The following PARN variants were observed in gnomAD, a reference collection of about 807,000 sequenced individuals.
The protein encoded by PARN is poly(A)-specific ribonuclease.
Under a neutral mutation model 102.8 loss-of-function variants are expected in PARN, and 71 were observed. That is an observed-to-expected ratio of 0.69 (90% CI 0.57 to 0.84). The LOEUF is 0.84. Ranked by LOEUF, PARN falls within the 40% of genes least tolerant of loss-of-function variation. The pLI, the probability that PARN is intolerant of heterozygous loss-of-function variation, is 0.00. For synonymous variants in PARN, 261 were observed against 252.9 expected, an observed-to-expected ratio of 1.03 and a Z score of -0.30; for missense variants, 782 against 760.9, an observed-to-expected ratio of 1.03 and a Z score of -0.33.
chr16:14,505,617 T>G (rs1964854685), intron 21 of PARN, among the ~76,000 whole-genome samples: 1 of 152,200 alleles, frequency 6.6e-6, no homozygotes, highest in South Asian at 2.1e-4. Flanking sequence ...AAGATACCTG[T>G]GGTTCATACA....
Position 14,602,491 on chromosome 16 carries a change from G to A in PARN, c.783+1655C>T, listed in dbSNP as rs141337032. ...ACCCTTGCATGTCCTAAAAACACTC[G>A]AAACCTCATCAGGTCAAAACCAGAA... On this transcript the variant is annotated intron_variant, in intron 11 of 23. Transcript: ENST00000437198. 8.1e-4 allele frequency among the ~76,000 whole-genome samples: 124 copies of A among 152,176 alleles called. No homozygotes were observed. In the East Asian group the frequency reaches 0.016, roughly 19 times the overall value.
At chr16:14,437,018 CATCT>C (rs1252838508) in intron 23 of PARN, among the ~76,000 whole-genome samples, 4 of 152,210 alleles carry the variant, frequency 2.6e-5, no homozygotes, top group African/African-American at 7.2e-5. Context: ...CTGCCTCCAG[CATCT>C]ATCTATTTAT....
intron 15 of PARN, 115 bp from the exon 16 acceptor site, chr16:14,584,537 C>A: frequency 1.1e-6 from 1 of 871,482 alleles, no homozygotes; most frequent in South Asian, 1.6e-5. Flanking sequence ...TCCTTGTGTT[C>A]TTTAAAGAAA....
chr16:14,608,429 T>C, intron 8 of PARN, 110 bp from the exon 9 acceptor site: 3 of 658,854 alleles, frequency 4.6e-6, no homozygotes, highest in African/African-American at 1.9e-5. Flanking sequence ...TCATTAGAAC[T>C]GATAGGTAAT....
At chr16:14,581,216 C>A (rs1446516945) in intron 17 of PARN, among the ~76,000 whole-genome samples, 1 of 152,082 alleles carries the variant, frequency 6.6e-6, no homozygotes, top group African/African-American at 2.4e-5. Context: ...CCATGCCCAG[C>A]TAATTTTGTA....
At chr16:14,465,663 C>A (rs1182830639) in intron 22 of PARN, among the ~76,000 whole-genome samples, 4 of 151,848 alleles carry the variant, frequency 2.6e-5, no homozygotes, top group Non-Finnish European at 5.9e-5. Flanking sequence ...TAAGCTGATA[C>A]TGAAGTTCAT....
chr16:14,448,427 T>G (rs994649194), intron 22 of PARN, among the ~76,000 whole-genome samples: 20 of 151,666 alleles, frequency 1.3e-4, no homozygotes, highest in Non-Finnish European at 2.4e-4. Flanking sequence ...GATTACAGGC[T>G]TGAGTTACCA....
intron 6 of PARN, among the ~76,000 whole-genome samples, chr16:14,615,324 T>TA (rs1971827361): frequency 2.0e-5 from 3 of 151,424 alleles, no homozygotes. Context: ...AAAAACAAGT[T>TA]AGAACTATGC....
intron 23 of PARN, among the ~76,000 whole-genome samples, chr16:14,443,976 C>T (rs1273651433): frequency 2.0e-5 from 3 of 152,142 alleles, no homozygotes; most frequent in Non-Finnish European, 4.4e-5. Flanking sequence ...ACCAGACCTT[C>T]GCGGCTCCTG....
chr16:14,628,899 G>A (rs1209933607), intron 2 of PARN, among the ~76,000 whole-genome samples: 5 of 152,066 alleles, frequency 3.3e-5, no homozygotes, highest in African/African-American at 1.2e-4. Flanking sequence ...CTAAAAAAGG[G>A]GAAAAAAAAT....
At chr16:14,579,350 C>T (rs960633860) in intron 18 of PARN, among the ~76,000 whole-genome samples, 1 of 152,228 alleles carries the variant, frequency 6.6e-6, no homozygotes, top group Non-Finnish European at 1.5e-5. Flanking sequence ...ATGCAGCCCA[C>T]ATCTAACCCA....
At chr16:14,515,710 G>C (rs1965423494) in intron 21 of PARN, among the ~76,000 whole-genome samples, 2 of 152,102 alleles carry the variant, frequency 1.3e-5, no homozygotes, top group South Asian at 2.1e-4. Context: ...CTGAGGCAGG[G>C]GGATTATTTG....
chr16:14,488,865 T>C (rs1258431170), intron 21 of PARN, among the ~76,000 whole-genome samples: 2 of 149,000 alleles, frequency 1.3e-5, no homozygotes, highest in Non-Finnish European at 3.0e-5. Flanking sequence ...ATCAATACAA[T>C]AGTTTCCAAA....
chr16:14,513,735 T>C (rs892957039), intron 21 of PARN, among the ~76,000 whole-genome samples: 1 of 152,192 alleles, frequency 6.6e-6, no homozygotes, highest in Non-Finnish European at 1.5e-5. Flanking sequence ...TTCCTGCCAC[T>C]GTCACAAAGC....
At chr16:14,566,716 T>C (rs1270273049) in intron 18 of PARN, among the ~76,000 whole-genome samples, 1 of 152,168 alleles carries the variant, frequency 6.6e-6, no homozygotes, top group Non-Finnish European at 1.5e-5. Context: ...TAAATTATAA[T>C]AATAAACAAG....
chr16:14,612,743 G>A (rs1971594419), intron 6 of PARN, among the ~76,000 whole-genome samples: 1 of 151,524 alleles, frequency 6.6e-6, no homozygotes, highest in South Asian at 2.1e-4. Context: ...GATTACAGGC[G>A]CCCGCCACCA....
intron 21 of PARN, among the ~76,000 whole-genome samples, chr16:14,485,726 C>T (rs1047826695): frequency 2.0e-5 from 3 of 151,858 alleles, no homozygotes; most frequent in African/African-American, 4.8e-5. Context: ...CTTGCTCTGC[C>T]GCCTACGCTG....
At chr16:14,551,339 C>T (rs1367713700) in intron 21 of PARN, among the ~76,000 whole-genome samples, 1 of 151,906 alleles carries the variant, frequency 6.6e-6, no homozygotes, top group Non-Finnish European at 1.5e-5. Context: ...AAGGCCGAGG[C>T]AGGCAGATCA....
At chr16:14,588,746 G>A (rs1205475055) in intron 13 of PARN, among the ~76,000 whole-genome samples, 2 of 152,034 alleles carry the variant, frequency 1.3e-5, no homozygotes, top group Non-Finnish European at 2.9e-5. Context: ...GCCAGATGTG[G>A]TGGCGTACAC....
Sources: allele counts gnomAD v4.1 joint callset (sites outside exome capture counted in the v4.1 genomes callset), GRCh38; gene constraint gnomAD v4.1.1; transcripts MANE v1.5; gene names NCBI Gene and HGNC (gene_info 2026-07-23, HGNC 2026-07-21).